Variants in BRAF observed in about 807,000 individuals in gnomAD.
BRAF encodes the protein B-Raf proto-oncogene, serine/threonine kinase.
Under a neutral mutation model 104.6 loss-of-function variants are expected in BRAF, and 16 were observed. The observed-to-expected ratio is 0.15, with a 90% CI of 0.10 to 0.23. BRAF has a LOEUF of 0.23. BRAF is among the 10% of genes least tolerant of loss of function. The probability of loss-of-function intolerance (pLI) is 1.00; values close to 1 mark genes in which losing one functional copy is unlikely to be tolerated. For missense variants in BRAF, 541 were observed against 937.3 expected (o/e 0.58, Z 5.52); for synonymous variants, 310 against 341.6 (o/e 0.91, Z 1.02).
Position 140,783,134 on chromosome 7 carries a change from T to C in BRAF, c.1321A>G (p.Thr441Ala). 1 of 1,613,622 alleles carries C rather than the reference T, an allele frequency of 6.2e-7. No homozygotes were observed. Among genetic ancestry groups the C allele is most frequent in the Non-Finnish European group, 8.5e-7 (1 of 1,179,928 alleles). The change falls in exon 11 of 20, where the codon ACC (threonine) becomes GCC (alanine). Residue 441 changes from threonine (T) to alanine (A), a missense_variant. By Grantham distance (58) the Thr-to-Ala change is moderately conservative (BLOSUM62 0). This residue lies in a region of BRAF where 109 missense variants were observed against 143.9 expected (regional missense o/e 0.76). Transcript: ENST00000644969. ...GAGCCAGGTAATGAGGCAGGGGGGG[T>C]AGCAGACAAACCTGTGGTTGATCCT... The part of the protein sequence containing the change: ...FRGSTTGLSA[T>A]PPASLPGSLT...
chr7:140,782,413 T>C (rs1181615817), intron 11 of BRAF, among the ~76,000 whole-genome samples: 1 of 151,794 alleles, frequency 6.6e-6, no homozygotes, highest in African/African-American at 2.4e-5. Flanking sequence ...AGGTAGTCTT[T>C]TTCAATCAGT....
intron 14 of BRAF, among the ~76,000 whole-genome samples, chr7:140,768,177 G>A (rs894416108): frequency 1.3e-5 from 2 of 152,204 alleles, no homozygotes; most frequent in East Asian, 3.9e-4. Context: ...ATCTCTTGAT[G>A]GTGGATTACT....
intron 4 of BRAF, among the ~76,000 whole-genome samples, chr7:140,808,531 C>A (rs1586239566): frequency 6.6e-6 from 1 of 150,582 alleles, no homozygotes; most frequent in South Asian, 2.1e-4. Context: ...AAAAGTAGGT[C>A]AATATAAAAT....
At chr7:140,820,457 TACA>T (rs1287845396) in intron 3 of BRAF, among the ~76,000 whole-genome samples, 1 of 152,110 alleles carries the variant, frequency 6.6e-6, no homozygotes, top group African/African-American at 2.4e-5. Context: ...CTAAATGAGA[TACA>T]ACTACTCTAA....
intron 14 of BRAF, among the ~76,000 whole-genome samples, chr7:140,774,570 G>A (rs1800151068): frequency 6.6e-6 from 1 of 152,214 alleles, no homozygotes; most frequent in South Asian, 2.1e-4. Context: ...CAGGCTGGAT[G>A]CAGTGGCACA....
At position 140,782,546 on chromosome 7, in the gene BRAF, G is replaced by A. The variant is rs186563964; in HGVS notation, c.1434+475C>T. Among the ~76,000 whole-genome samples, 1,464 of 151,374 alleles carry A rather than the reference G, an allele frequency of 9.7e-3. 10 individuals are homozygous for A. The highest frequency in any genetic ancestry group is 0.015 in the Non-Finnish European group (1,012 of 67,898). ...ATTCAACAATTAGTAGCAATACTACGGCTAAACAGTATTCGTTTTTTATTT... is the reference window on the plus strand; with the variant it reads ...ATTCAACAATTAGTAGCAATACTACAGCTAAACAGTATTCGTTTTTTATTT... On this transcript the variant is annotated intron_variant, in intron 11 of 19. Coordinates refer to ENST00000644969, the MANE Select transcript of BRAF (RefSeq NM_001374258.1).
intron 2 of BRAF, among the ~76,000 whole-genome samples, chr7:140,848,392 A>G (rs1007473239): frequency 6.6e-6 from 1 of 152,234 alleles, no homozygotes; most frequent in Non-Finnish European, 1.5e-5. Flanking sequence ...ATCTTGCTCA[A>G]AGTAACTATA....
chr7:140,887,879 AATTTT>A (rs1383531368), intron 1 of BRAF, among the ~76,000 whole-genome samples: 1 of 145,250 alleles, frequency 6.9e-6, no homozygotes, highest in Non-Finnish European at 1.5e-5. Flanking sequence ...ATGCTCGTTT[AATTTT>A]TTTTTTTTTT....
At chr7:140,755,621 C>A (rs1170552732) in intron 14 of BRAF, among the ~76,000 whole-genome samples, 2 of 152,132 alleles carry the variant, frequency 1.3e-5, no homozygotes, top group Admixed American at 1.3e-4. Context: ...CTTGTCATGA[C>A]TTTAGGCTCA....
At chr7:140,895,767 T>A (rs1332862579) in intron 1 of BRAF, among the ~76,000 whole-genome samples, 2 of 152,242 alleles carry the variant, frequency 1.3e-5, no homozygotes, top group Non-Finnish European at 2.9e-5. Context: ...TTTTTCCTTT[T>A]TACGGCTGAA....
intron 13 of BRAF, among the ~76,000 whole-genome samples, chr7:140,777,769 T>C (rs1800473863): frequency 6.6e-6 from 1 of 152,224 alleles, no homozygotes; most frequent in Non-Finnish European, 1.5e-5. Flanking sequence ...ATACTTCCAT[T>C]AATTCAGTCT....
downstream of BRAF, among the ~76,000 whole-genome samples, chr7:140,719,109 C>G (rs1193518453): frequency 2.0e-5 from 3 of 152,186 alleles, no homozygotes; most frequent in Non-Finnish European, 4.4e-5. Flanking sequence ...TCACCAACAC[C>G]TGACAAACGA....
chr7:140,786,483 C>T (rs1265219698), intron 9 of BRAF, among the ~76,000 whole-genome samples: 2 of 152,174 alleles, frequency 1.3e-5, no homozygotes, highest in Admixed American at 1.3e-4. Context: ...AAGAACACTT[C>T]AAGACAGTCT....
chr7:140,908,670 T>C (rs1816604854), intron 1 of BRAF, among the ~76,000 whole-genome samples: 1 of 152,176 alleles, frequency 6.6e-6, no homozygotes, highest in Non-Finnish European at 1.5e-5. Context: ...CATTCAACCT[T>C]CCCTGCAATC....
chr7:140,814,783 T>A (rs934340883), intron 3 of BRAF, among the ~76,000 whole-genome samples: 2 of 142,630 alleles, frequency 1.4e-5, no homozygotes, highest in African/African-American at 2.6e-5. Flanking sequence ...ACATATATAT[T>A]ATATATAACA....
rs749538915 is a variant in BRAF at position 140,754,197 on chromosome 7, G to A, written c.1851C>T (p.Leu617=). 1 of 1,613,580 alleles carries A rather than the reference G, an allele frequency of 6.2e-7. No individual in the cohort carries two copies. Among genetic ancestry groups the A allele is most frequent in the Non-Finnish European group, 8.5e-7 (1 of 1,179,620 alleles). ...LHAKSIIHRD[L]KSNNIFLHED... ...TTTCAGGAAGGATACTATTACTCTT[G>A]AGGTCTCTGTGGATGATTGACTTGG... is the stretch of plus-strand genomic sequence containing the variant. The change falls in exon 15 of 20, where the codon CTC becomes CTT. Residue 617 remains leucine (L), a synonymous_variant. Transcript: ENST00000644969.
intron 1 of BRAF, among the ~76,000 whole-genome samples, chr7:140,875,642 T>G (rs1030121457): frequency 1.3e-5 from 2 of 152,234 alleles, no homozygotes; most frequent in Non-Finnish European, 2.9e-5. Context: ...CCTTCCAAAG[T>G]GCTGGGATTA....
At chr7:140,812,024 T>A (rs1380543591) in intron 3 of BRAF, among the ~76,000 whole-genome samples, 5 of 152,196 alleles carry the variant, frequency 3.3e-5, no homozygotes, top group Non-Finnish European at 7.3e-5. Context: ...TTAAACCACA[T>A]CCAATGTATC....
intron 1 of BRAF, among the ~76,000 whole-genome samples, chr7:140,886,015 A>G (rs920615344): frequency 1.3e-5 from 2 of 152,172 alleles, no homozygotes; most frequent in Admixed American, 6.5e-5. Context: ...TAGGCTGAAA[A>G]ATCTTCAACA....
Sources: gnomAD v4.1 joint callset for allele counts (sites outside exome capture counted in the v4.1 genomes callset) on GRCh38, gnomAD v4.1.1 for gene constraint, gnomAD v4.1.1 regional missense constraint, MANE v1.5 for transcripts, NCBI Gene and HGNC (gene_info 2026-07-23, HGNC 2026-07-21) for gene names.